The following ANK3 variants were observed in gnomAD, a reference collection of about 807,000 sequenced individuals.
ANK3 encodes the protein ankyrin 3.
Under a neutral mutation model 370.9 loss-of-function variants are expected in ANK3, and 57 were observed. That is an observed-to-expected ratio of 0.15 (90% CI 0.12 to 0.19). The LOEUF is 0.19. Ranked by LOEUF, ANK3 falls within the 10% of genes least tolerant of loss-of-function variation. The pLI, the probability that ANK3 is intolerant of heterozygous loss-of-function variation, is 1.00. For synonymous variants in ANK3, 1,929 were observed against 1,946.3 expected, an observed-to-expected ratio of 0.99 and a Z score of 0.23; for missense variants, 4,439 against 5,302.1, an observed-to-expected ratio of 0.84 and a Z score of 5.06.
intron 42 of ANK3, among the ~76,000 whole-genome samples, chr10:60,049,073 A>T (rs2077429384): frequency 6.6e-6 from 1 of 152,198 alleles, no homozygotes; most frequent in Non-Finnish European, 1.5e-5. Context: ...AATTGCCCCA[A>T]AAATCTGAAC....
intron 8 of ANK3, among the ~76,000 whole-genome samples, chr10:60,232,831 A>C (rs1164184501): frequency 6.6e-6 from 1 of 152,160 alleles, no homozygotes; most frequent in Non-Finnish European, 1.5e-5. Flanking sequence ...CACAGTAGAC[A>C]CTCGACGATC....
chr10:60,545,467 C>A (rs1451755500), intron 2 of ANK3, among the ~76,000 whole-genome samples: 1 of 150,028 alleles, frequency 6.7e-6, no homozygotes, highest in Non-Finnish European at 1.5e-5. Flanking sequence ...TCTACAAATA[C>A]TTCATAGAGT....
At chr10:60,378,551 A>G (rs541882801) in intron 1 of ANK3, among the ~76,000 whole-genome samples, 6 of 152,334 alleles carry the variant, frequency 3.9e-5, no homozygotes, top group Admixed American at 2.0e-4. Context: ...ACATATCTAC[A>G]GCCAACTGAT....
intron 27 of ANK3, chr10:60,108,435 C>T (rs948916560): frequency 4.1e-5 from 11 of 267,880 alleles, no homozygotes; most frequent in Middle Eastern, 5.1e-4. Context: ...AATACCATAT[C>T]ACAATGAACT....
chr10:60,458,053 G>A (rs913062330), intron 2 of ANK3, among the ~76,000 whole-genome samples: 1 of 152,070 alleles, frequency 6.6e-6, no homozygotes, highest in African/African-American at 2.4e-5. Flanking sequence ...GGGTAAGGAT[G>A]GAAAGTGCCT....
intron 7 of ANK3, among the ~76,000 whole-genome samples, chr10:60,240,556 G>C (rs1201097778): frequency 1.3e-5 from 2 of 150,942 alleles, no homozygotes; most frequent in East Asian, 3.9e-4. Context: ...CACCTGCCTC[G>C]GCCTCCCAAA....
chr10:60,075,612 T>C lies in ANK3; in HGVS notation c.5269A>G (p.Ser1757Gly), dbSNP rs778163880. 2.5e-6 allele frequency: 4 copies of C among 1,614,140 alleles called. No individual in the cohort carries two copies. Among genetic ancestry groups the C allele is most frequent in the Non-Finnish European group, 2.5e-6 (3 of 1,180,012 alleles). The change falls in exon 37 of 44, where the codon AGT (serine) becomes GGT (glycine). Residue 1757 changes from serine (S) to glycine (G), a missense_variant. Physicochemically the swap from Ser to Gly is moderately conservative, Grantham distance 56 (BLOSUM62 0). Around this residue, in one of 13 missense-constraint regions of ANK3, gnomAD observed 679 missense variants for 791.0 expected, o/e 0.86. Transcript: ENST00000280772. Reference protein sequence around the residue: ...SATNSVSSVVSAATDTVEKVF... With the variant: ...SATNSVSSVVGAATDTVEKVF... ...TTCTCAACTGTGTCAGTGGCTGCAC[T>C]GACCACAGAGCTCACAGAGTTTGTA...
intron 42 of ANK3, chr10:60,044,281 T>C (rs1057063066): frequency 1.0e-6 from 1 of 984,818 alleles, no homozygotes; most frequent in Non-Finnish European, 1.2e-6. Flanking sequence ...GGTGATGAGG[T>C]TGCCTTCTTC....
intron 9 of ANK3, among the ~76,000 whole-genome samples, chr10:60,209,806 C>T (rs987783790): frequency 5.3e-5 from 8 of 151,992 alleles, no homozygotes; most frequent in Non-Finnish European, 8.8e-5. Context: ...AAAAATCCCA[C>T]AAAATCTGAG....
At chr10:60,404,906 T>G (rs143483492) in intron 2 of ANK3, among the ~76,000 whole-genome samples, 3 of 152,152 alleles carry the variant, frequency 2.0e-5, no homozygotes, top group Non-Finnish European at 4.4e-5. Flanking sequence ...AACATAAGAC[T>G]TTAACAGACA....
In ANK3 at chr10:60,075,971, G is replaced by A. The variant is rs1433150702; in HGVS notation, c.4910C>T (p.Ser1637Leu). Residue 1637 changes from serine (S) to leucine (L), a missense_variant, in exon 37 of 44, where the codon TCA becomes TTA. By Grantham distance (145) the Ser-to-Leu change is moderately radical (BLOSUM62 -2). Around this residue, in one of 13 missense-constraint regions of ANK3, gnomAD observed 679 missense variants for 791.0 expected, o/e 0.86. Coordinates refer to ENST00000280772, the MANE Select transcript of ANK3 (RefSeq NM_020987.5). The part of the protein sequence containing the change: ...VTTAGSLLER[S>L]SITMTPPASP... ...GGCAGGGGGTGTCATAGTAATTGAT[G>A]ACCTCTCCAAAAGAGACCCTGCTGT... is the stretch of plus-strand genomic sequence containing the variant. 2 of 1,614,024 alleles carry A rather than the reference G, an allele frequency of 1.2e-6. No homozygotes were observed. The highest frequency in any genetic ancestry group is 1.7e-6 in the Non-Finnish European group (2 of 1,180,006).
chr10:60,494,959 C>A (rs1455616845), intron 2 of ANK3, among the ~76,000 whole-genome samples: 2 of 152,164 alleles, frequency 1.3e-5, no homozygotes, highest in Non-Finnish European at 2.9e-5. Flanking sequence ...GGCTAGACAA[C>A]TCTAGCTGTA....
At position 60,196,628 on chromosome 10, in the gene ANK3, G is replaced by T. The variant is rs1346139593; in HGVS notation, c.1690-3C>A. 1.2e-5 allele frequency: 15 copies of T among 1,260,148 alleles called. No homozygotes were observed. Among genetic ancestry groups the T allele is most frequent in the Non-Finnish European group, 1.3e-5 (12 of 917,794 alleles). The allele number at this position is 1,260,148 out of a possible 1,614,324, so 78.1% of individuals were successfully genotyped here. On this transcript the variant is annotated splice_region_variant and splice_polypyrimidine_tract_variant and intron_variant, in intron 14 of 43. Transcript: ENST00000280772. ...ACATGAAGAGGAGTAAATCCTTTCT[G>T]AAAAAAAAAAAACATAAAAATAATG...
chr10:60,284,511 A>C (rs1308839371), intron 1 of ANK3, among the ~76,000 whole-genome samples: 2 of 152,142 alleles, frequency 1.3e-5, no homozygotes, highest in African/African-American at 4.8e-5. Context: ...GCTGTTAATC[A>C]CCATTCTAAG....
At chr10:60,169,522 G>A (rs1176530624) in intron 21 of ANK3, among the ~76,000 whole-genome samples, 2 of 151,982 alleles carry the variant, frequency 1.3e-5, no homozygotes, top group East Asian at 3.9e-4. Flanking sequence ...TATGTCTGAA[G>A]CAGTATTTGT....
intron 1 of ANK3, among the ~76,000 whole-genome samples, chr10:60,628,658 C>G (rs2078442159): frequency 6.6e-6 from 1 of 152,102 alleles, no homozygotes; most frequent in African/African-American, 2.4e-5. Flanking sequence ...GCCACAATTT[C>G]AGAGGAAGAA....
intron 23 of ANK3, among the ~76,000 whole-genome samples, chr10:60,159,405 G>T (rs1417658148): frequency 1.3e-5 from 2 of 152,086 alleles, no homozygotes; most frequent in African/African-American, 4.8e-5. Flanking sequence ...ACCAAATGCT[G>T]GAGCACCCGT....
chr10:60,423,748 G>T (rs2063824069), intron 2 of ANK3, among the ~76,000 whole-genome samples: 1 of 151,990 alleles, frequency 6.6e-6, no homozygotes, highest in Admixed American at 6.6e-5. Context: ...CAGCCAGGAT[G>T]CTACCAGACA....
chr10:60,172,308 A>T lies in ANK3; in HGVS notation c.2478T>A (p.Thr826=), dbSNP rs763047064. 6.2e-6 allele frequency: 10 copies of T among 1,612,918 alleles called. No individual in the cohort carries two copies. The highest frequency in any genetic ancestry group is 1.7e-5 in the Admixed American group (1 of 60,002). The change falls in exon 21 of 44, where the codon ACT becomes ACA. Residue 826 remains threonine, a splice_region_variant and synonymous_variant. Coordinates refer to ENST00000280772, the MANE Select transcript of ANK3 (RefSeq NM_020987.5). ...KIVTEETMTT[T]TVTEKHKMNV... is the part of the protein sequence containing the mutation. Reference sequence around the variant, plus strand: ...ACAAGGTTCTGCATTCCTTACTTACAGTTGTGGTCATGGTCTCTTCGGTCA... The same window carrying T: ...ACAAGGTTCTGCATTCCTTACTTACTGTTGTGGTCATGGTCTCTTCGGTCA...
Sources: allele counts gnomAD v4.1 joint callset (sites outside exome capture counted in the v4.1 genomes callset), GRCh38; gene constraint gnomAD v4.1.1; regional missense constraint gnomAD v4.1.1; transcripts MANE v1.5; gene names NCBI Gene and HGNC (gene_info 2026-07-23, HGNC 2026-07-21).